TAF5L: variants seen among roughly 807,000 people sequenced by gnomAD.
TAF5L encodes TATA-box binding protein associated factor 5 like, also known as TAF5-like RNA polymerase II p300/CBP-associated factor-associated factor 65 kDa subunit 5L.
A neutral mutation model predicts 51.3 loss-of-function variants in TAF5L; 7 were observed. The ratio of observed to expected loss-of-function variants is 0.14; its 90% confidence interval spans 0.08 to 0.26. TAF5L has a LOEUF of 0.26. Among genes scored for constraint, TAF5L ranks in the 10% least tolerant of loss-of-function variants. The pLI, the probability that TAF5L is intolerant of heterozygous loss-of-function variation, is 1.00. For missense variants in TAF5L, 575 were observed against 758.9 expected (o/e 0.76, Z 2.85); for synonymous variants, 291 against 308.1 (o/e 0.94, Z 0.58).
rs1665407226 is a variant in TAF5L, at chr1:229,625,360, G to A, written c.-4+525C>T. Among the ~76,000 whole-genome samples, 1 of 152,134 alleles carries A rather than the reference G, an allele frequency of 6.6e-6. No individual in the cohort carries two copies. The highest frequency in any genetic ancestry group is 2.4e-5 in the African/African-American group (1 of 41,446). On this transcript the variant is annotated intron_variant, in intron 1 of 4. Transcript: ENST00000258281. This position sits in a 1 kb window ranked among gnomAD's most constrained non-coding sequence, Gnocchi z 4.0. The stretch of plus-strand genomic sequence containing the variant: ...TGCAGGTAAGCACTCTCCTGCAGCA[G>A]CTAGTCTAACTCTGGCTCCCCCGTG...
chr1:229,615,960 TCA>T (rs1267438192), intron 1 of TAF5L, among the ~76,000 whole-genome samples: 2 of 152,212 alleles, frequency 1.3e-5, no homozygotes, highest in South Asian at 4.1e-4. Context: ...TTTTAAGTTC[TCA>T]GTTTCAGTTA....
chr1:229,609,740 C>G (rs1664722061), intron 3 of TAF5L, among the ~76,000 whole-genome samples: 1 of 152,196 alleles, frequency 6.6e-6, no homozygotes, highest in South Asian at 2.1e-4. Flanking sequence ...CTCTGCATAG[C>G]TGACAGTTTT....
Position 229,602,550 on chromosome 1 carries a change from T to G in TAF5L, c.617A>C (p.Asp206Ala), listed in dbSNP as rs758871462. The change falls in exon 4 of 5, where the codon GAC (aspartate) becomes GCC (alanine). Residue 206 changes from aspartate (D) to alanine (A), a missense_variant. This residue lies in a region of TAF5L where 380 missense variants were observed against 443.7 expected (regional missense o/e 0.86). Transcript: ENST00000258281. The surrounding 1 kb of genome is among the most constrained non-coding windows in gnomAD (Gnocchi z 4.6). ...GCTGCCACTGGCATACAGCTGATAG[T>G]CTGTTCTCTTGGCAGGCTGCACGTC... 1.9e-6 allele frequency: 3 copies of G among 1,614,074 alleles called. No homozygotes were observed. The highest frequency in any genetic ancestry group is 2.5e-6 in the Non-Finnish European group (3 of 1,180,032).
At chr1:229,599,792 T>C in intron 4 of TAF5L, 1 of 981,014 alleles carries the variant, frequency 1.0e-6, no homozygotes. Flanking sequence ...CTTGGATATA[T>C]GTCTAGAAGT....
chr1:229,607,108 T>C (rs1664624263), intron 3 of TAF5L: 1 of 985,316 alleles, frequency 1.0e-6, no homozygotes, highest in South Asian at 4.7e-5. Context: ...TTAACAAACA[T>C]AAACCCTTCT....
At chr1:229,605,108 G>GTGTATA (rs1553270422) in intron 3 of TAF5L, among the ~76,000 whole-genome samples, 2 of 118,622 alleles carry the variant, frequency 1.7e-5, no homozygotes, top group African/African-American at 5.9e-5. Context: ...ATTTTTGTAT[G>GTGTATA]TATATATATA....
rs60562331 is a variant in TAF5L at position 229,620,956 on chromosome 1, A to ATGTG, written c.-4+4925_-4+4928dup. ...TTGAAGACGCTTCATTAAAACATTT[A>ATGTG]TGTGTGTGTGTGTGTGTGTGTGTGT... On this transcript the variant is annotated intron_variant, in intron 1 of 4. Coordinates refer to ENST00000258281, the Ensembl canonical transcript of TAF5L. 5.0e-3 allele frequency among the ~76,000 whole-genome samples: 755 copies of ATGTG among 150,014 alleles called. 4 individuals are homozygous for ATGTG. Among genetic ancestry groups the ATGTG allele is most frequent in the African/African-American group, 0.013 (534 of 40,808 alleles).
intron 1 of TAF5L, among the ~76,000 whole-genome samples, chr1:229,616,941 T>C (rs1226705669): frequency 6.6e-6 from 1 of 152,198 alleles, no homozygotes; most frequent in Non-Finnish European, 1.5e-5. Flanking sequence ...GAAGGAACAC[T>C]ATGGTTGTGA....
chr1:229,614,489 C>T lies in TAF5L; in HGVS notation c.-3-4G>A. On this transcript the variant is annotated splice_polypyrimidine_tract_variant and splice_region_variant and intron_variant, in intron 1 of 4. Coordinates refer to ENST00000258281, the Ensembl canonical transcript of TAF5L. ...CGGTACGCACTCGTTTCATGACCTT[C>T]AAGGGAGGCAACGACAGGATACAGA... is the stretch of plus-strand genomic sequence containing the variant. 1 of 1,613,892 alleles carries T rather than the reference C, an allele frequency of 6.2e-7. No individual in the cohort carries two copies.
At chr1:229,624,265 C>G (rs1196620717) in intron 1 of TAF5L, among the ~76,000 whole-genome samples, 1 of 152,224 alleles carries the variant, frequency 6.6e-6, no homozygotes. Context: ...CAAAACTATT[C>G]CAAGATACAC....
intron 1 of TAF5L, among the ~76,000 whole-genome samples, chr1:229,618,742 C>G (rs1665096282): frequency 6.6e-6 from 1 of 152,132 alleles, no homozygotes; most frequent in Non-Finnish European, 1.5e-5. Flanking sequence ...ACGCTGCATC[C>G]TATCCCTCCA....
intron 4 of TAF5L, 81 bp from the exon 5 acceptor site, chr1:229,595,175 G>A: frequency 1.4e-6 from 2 of 1,429,404 alleles, no homozygotes; most frequent in Admixed American, 2.3e-5. Context: ...AAGTCCAGGA[G>A]AAAAAAAAGT....
At position 229,601,645 on chromosome 1, in the gene TAF5L, G is replaced by A. The variant is rs559731286; in HGVS notation, c.972+550C>T. The A allele has an allele frequency of 3.0e-5, 30 of 986,828 alleles. No homozygotes were observed. The Admixed American group carries it at 1.3e-3, about 44-fold the overall frequency. The allele number at this position is 986,828 out of a possible 1,614,324, so 61.1% of individuals were successfully genotyped here. A position where few individuals can be genotyped will look rare whatever the true frequency, so the allele number is the denominator to read the frequency against. ...TCCAAGTGGGGTCTGGGAACACCCC[G>A]GGGTACATGGAGCCACAGGATATGC... On this transcript the variant is annotated intron_variant, in intron 4 of 4. Transcript: ENST00000258281.
intron 2 of TAF5L, chr1:229,614,138 A>G: frequency 1.3e-6 from 1 of 788,238 alleles, no homozygotes. Context: ...AGAGGTTATC[A>G]GAAGTGACAA....
At chr1:229,606,522 T>C in intron 3 of TAF5L, 2 of 985,422 alleles carry the variant, frequency 2.0e-6, no homozygotes, top group Non-Finnish European at 2.4e-6. Context: ...AAACTAATCC[T>C]GTCGGTCCTC....
rs888921393 is a variant in TAF5L, at chr1:229,602,082, GCT to G, written c.972+111_972+112del. On this transcript the variant is annotated intron_variant, in intron 4 of 4. Coordinates refer to ENST00000258281, the Ensembl canonical transcript of TAF5L. This position sits in a 1 kb window ranked among gnomAD's most constrained non-coding sequence, Gnocchi z 4.6. The stretch of plus-strand genomic sequence containing the variant: ...GTAACATGTCATTAGTCTGGCTTTA[GCT>G]ATATGATGAGGGAAACTAGGAAGTC... 6.5e-5 allele frequency: 99 copies of G among 1,517,730 alleles called. No individual in the cohort carries two copies. The African/African-American group carries it at 1.3e-3, about 20-fold the overall frequency. The allele number at this position is 1,517,730 out of a possible 1,614,324, so 94.0% of individuals were successfully genotyped here.
At chr1:229,624,557 T>C (rs1437816243) in intron 1 of TAF5L, among the ~76,000 whole-genome samples, 1 of 152,070 alleles carries the variant, frequency 6.6e-6, no homozygotes, top group Non-Finnish European at 1.5e-5. Context: ...GCGGGAGGAC[T>C]GCTTGAGCCC....
intron 4 of TAF5L, among the ~76,000 whole-genome samples, chr1:229,598,363 T>C (rs887321689): frequency 6.6e-6 from 1 of 152,230 alleles, no homozygotes; most frequent in African/African-American, 2.4e-5. Context: ...TCACATCATA[T>C]TCCCATTGGA....
At chr1:229,614,446 C>T (rs746563966) in exon 2 of TAF5L, 3 of 1,614,264 alleles carry the variant, frequency 1.9e-6, no homozygotes, top group Admixed American at 1.7e-5. Flanking sequence ...TAGCAGGACA[C>T]TGCCATCTGA....
Sources: allele counts gnomAD v4.1 joint callset (sites outside exome capture counted in the v4.1 genomes callset), GRCh38; gene constraint gnomAD v4.1.1; regional missense constraint gnomAD v4.1.1; non-coding constraint Gnocchi (gnomAD v3.1); transcripts MANE v1.5; gene names NCBI Gene and HGNC (gene_info 2026-07-23, HGNC 2026-07-21).